Variants in NEAT1 observed in about 807,000 individuals in gnomAD.
NEAT1 encodes the protein MENepsilon/beta.
At chr11:65,433,196 G>A (rs938955335) in exon 1 of NEAT1, 1 of 152,106 alleles carries the variant, frequency 6.6e-6, no homozygotes, top group Non-Finnish European at 1.5e-5. Context: ...CCTTTGGGTA[G>A]ATACCCAGGA....
At chr11:65,445,501 A>C (rs1029367185) in exon 1 of NEAT1, 1 of 152,058 alleles carries the variant, frequency 6.6e-6, no homozygotes, top group African/African-American at 2.4e-5. Flanking sequence ...TTTGCTTTTC[A>C]CCTTCCCATC....
chr11:65,434,636 A>AT (rs1856641897), exon 1 of NEAT1: 1 of 151,628 alleles, frequency 6.6e-6, no homozygotes, highest in African/African-American at 2.4e-5. Context: ...GTCATACACA[A>AT]CCCCTTGTGC....
chr11:65,437,238 T>TAC (rs1159605688), exon 1 of NEAT1: 4 of 146,578 alleles, frequency 2.7e-5, no homozygotes, highest in African/African-American at 9.9e-5. Context: ...CATATATATA[T>TAC]ACATATATAT....
At chr11:65,434,133 A>C (rs1469724794) in exon 1 of NEAT1, 1 of 152,168 alleles carries the variant, frequency 6.6e-6, no homozygotes. Context: ...GATAGAGCTC[A>C]TCATGTGACT....
Position 65,444,356 on chromosome 11 carries a change from A to G in NEAT1, n.21559A>G, listed in dbSNP as rs115873809. Reference sequence around the variant, plus strand: ...GAAGTTGTGGAGAAATGGGGGGCTGATTCTGCTCAGATTCATCAGGATGAG... The same window carrying G: ...GAAGTTGTGGAGAAATGGGGGGCTGGTTCTGCTCAGATTCATCAGGATGAG... On this transcript the variant is annotated non_coding_transcript_exon_variant, in exon 1 of 1. Transcript: ENST00000501122. 3.6e-3 allele frequency: 1,597 copies of G among 443,120 alleles called. 25 individuals are homozygous for G. The highest frequency in any genetic ancestry group is 0.031 in the African/African-American group (1,439 of 46,894). The allele number at this position is 443,120 out of a possible 1,614,324, so 27.4% of individuals were successfully genotyped here.
exon 1 of NEAT1, chr11:65,434,396 G>A (rs181563210): frequency 2.7e-5 from 4 of 150,544 alleles, no homozygotes; most frequent in Admixed American, 2.6e-4. Flanking sequence ...TCTGAAAAAC[G>A]TGTTGCATGG....
chr11:65,444,706 T>A, exon 1 of NEAT1: 1 of 344,356 alleles, frequency 2.9e-6, no homozygotes, highest in Non-Finnish European at 5.8e-6. Flanking sequence ...AGGTGGGCTT[T>A]GTGTACCTTT....
At chr11:65,428,179 T>C (rs1334714600) in exon 1 of NEAT1, 1 of 152,196 alleles carries the variant, frequency 6.6e-6, no homozygotes, top group African/African-American at 2.4e-5. Context: ...GTGTGGGTAA[T>C]ATAATAGAAT....
chr11:65,429,574 A>C (rs141411905), exon 1 of NEAT1: 2 of 152,158 alleles, frequency 1.3e-5, no homozygotes, highest in African/African-American at 4.8e-5. Flanking sequence ...AAAGCCATTT[A>C]CATCTTAAGG....
chr11:65,427,562 C>CT (rs1565629879), exon 1 of NEAT1: 1 of 152,232 alleles, frequency 6.6e-6, no homozygotes, highest in African/African-American at 2.4e-5. Flanking sequence ...GGAGAAGTCA[C>CT]TGTGCCGCCC....
chr11:65,443,513 G>A (rs1856733656), exon 1 of NEAT1: 1 of 152,192 alleles, frequency 6.6e-6, no homozygotes, highest in Non-Finnish European at 1.5e-5. Flanking sequence ...ACTATGTGGG[G>A]ACACAATTAC....
At chr11:65,423,495 A>C (rs1263136736) in exon 1 of NEAT1, 1 of 152,142 alleles carries the variant, frequency 6.6e-6, no homozygotes, top group Admixed American at 6.5e-5. Context: ...GGGTGGTCTG[A>C]GGAGTGATGT....
At chr11:65,423,548 A>C (rs2134884134) in exon 1 of NEAT1, 1 of 152,430 alleles carries the variant, frequency 6.6e-6, no homozygotes, top group East Asian at 1.9e-4. Flanking sequence ...TGCGGCACCT[A>C]GCATGTTTGA....
chr11:65,427,208 TGG>T (rs1427589110), exon 1 of NEAT1: 2 of 152,250 alleles, frequency 1.3e-5, no homozygotes, highest in East Asian at 3.8e-4. Flanking sequence ...TGTTACCTCT[TGG>T]GGTGTAAGGT....
At chr11:65,433,144 T>G (rs1226347998) in exon 1 of NEAT1, 1 of 152,220 alleles carries the variant, frequency 6.6e-6, no homozygotes, top group Admixed American at 6.5e-5. Flanking sequence ...AATTGTGACT[T>G]GTACTGCCAT....
At chr11:65,442,722 C>G (rs868576748) in exon 1 of NEAT1, 57 of 152,118 alleles carry the variant, frequency 3.7e-4, no homozygotes, top group African/African-American at 1.3e-3. Flanking sequence ...TCTACTAAAA[C>G]TACAAAAATT....
chr11:65,443,553 TG>T (rs900339039), exon 1 of NEAT1: 5 of 152,228 alleles, frequency 3.3e-5, no homozygotes, highest in African/African-American at 1.2e-4. Context: ...CTGTTGTGGT[TG>T]GGGTCCTCTG....
exon 1 of NEAT1, chr11:65,422,982 C>G (rs1856513212): frequency 6.6e-6 from 1 of 152,240 alleles, no homozygotes; most frequent in African/African-American, 2.4e-5. Flanking sequence ...GTGGGGCAGG[C>G]TGCATGGAAA....
At chr11:65,444,325 AAG>A (rs1202402221) in exon 1 of NEAT1, 10 of 358,888 alleles carry the variant, frequency 2.8e-5, no homozygotes, top group South Asian at 1.1e-4. Flanking sequence ...GTGTGTGTAA[AAG>A]AGAGAAGTTG....
Sources: allele counts gnomAD v4.1 joint callset, GRCh38; gene constraint gnomAD v4.1.1; transcripts MANE v1.5; gene names NCBI Gene and HGNC (gene_info 2026-07-23, HGNC 2026-07-21).